DNAH10: variants seen among roughly 807,000 people sequenced by gnomAD.
DNAH10 encodes the protein dynein axonemal heavy chain 10.
DNAH10 carries 348 observed loss-of-function variants against 506.6 expected under a neutral mutation model. The observed-to-expected ratio is 0.69, with a 90% CI of 0.63 to 0.75. The LOEUF (loss-of-function observed/expected upper bound fraction) is 0.75, where lower values mean the gene tolerates loss of function less well. Among genes scored for constraint, DNAH10 ranks in the 30% least tolerant of loss-of-function variants. The probability of loss-of-function intolerance (pLI) is 0.00; values close to 1 mark genes in which losing one functional copy is unlikely to be tolerated. For missense variants in DNAH10, 5,179 were observed against 5,787.1 expected, an observed-to-expected ratio of 0.89 and a Z score of 3.41; for synonymous variants, 2,059 against 2,198.6, an observed-to-expected ratio of 0.94 and a Z score of 1.78.
Position 123,838,501 on chromosome 12 carries a change from G to T in DNAH10, c.4948G>T (p.Glu1650Ter). 1 of 1,614,026 alleles carries T rather than the reference G, an allele frequency of 6.2e-7. No individual in the cohort carries two copies. Among genetic ancestry groups the T allele is most frequent in the Non-Finnish European group, 8.5e-7 (1 of 1,179,896 alleles). ...AGACCCCGTGATCAAGAGGTGCTGT[G>T]AAGCCCCAAACCGCCTCAGTGACCT... Reference protein sequence around the residue: ...LKDPVIKRCCEAPNRLSDLQN... With the variant: ...LKDPVIKRCC The change falls in exon 29 of 79, where the codon GAA becomes TAA. Residue 1650 changes from glutamate (E) to a stop codon, truncating the protein, a stop_gained. Coordinates refer to ENST00000673944, the MANE Select transcript of DNAH10 (RefSeq NM_001372106.1). LOFTEE classifies it high-confidence loss of function.
At chr12:123,896,509 C>T (rs948013574) in intron 54 of DNAH10, among the ~76,000 whole-genome samples, 9 of 152,174 alleles carry the variant, frequency 5.9e-5, no homozygotes, top group East Asian at 3.9e-4. Context: ...CCACCTTTGC[C>T]GATATGTGCT....
rs772630655 is a variant in DNAH10, at chr12:123,877,715, G to GT, written c.8200-21_8200-20insT. 10 of 1,604,328 alleles carry GT rather than the reference G, an allele frequency of 6.2e-6. No individual in the cohort carries two copies. The East Asian group carries it at 1.3e-4, about 21-fold the overall frequency. On this transcript the variant is annotated intron_variant, in intron 47 of 78. Coordinates refer to ENST00000673944, the MANE Select transcript of DNAH10 (RefSeq NM_001372106.1). Reference sequence around the variant, plus strand: ...CTGAAGGACATTTGTGTGTTGGGGGGGGTGTCTTTGCATTTTTCAGACGTT... The same window carrying GT: ...CTGAAGGACATTTGTGTGTTGGGGGGTGGTGTCTTTGCATTTTTCAGACGTT...
At chr12:123,874,434 T>G (rs1219607300) in intron 46 of DNAH10, among the ~76,000 whole-genome samples, 1 of 152,140 alleles carries the variant, frequency 6.6e-6, no homozygotes, top group Non-Finnish European at 1.5e-5. Flanking sequence ...TGTCCATTCA[T>G]TCATAGATTT....
At chr12:123,832,822 C>A (rs937022355) in intron 26 of DNAH10, among the ~76,000 whole-genome samples, 1 of 152,098 alleles carries the variant, frequency 6.6e-6, no homozygotes, top group Non-Finnish European at 1.5e-5. Context: ...CATGTCTGAG[C>A]CCCAGTTGCC....
intron 19 of DNAH10, among the ~76,000 whole-genome samples, chr12:123,810,429 T>C (rs1958887458): frequency 6.6e-6 from 1 of 152,222 alleles, no homozygotes; most frequent in Non-Finnish European, 1.5e-5. Context: ...ACGCCTGTAA[T>C]CCCAGCACTT....
At chr12:123,763,901 T>C (rs1183661845) in intron 1 of DNAH10, among the ~76,000 whole-genome samples, 3 of 148,886 alleles carry the variant, frequency 2.0e-5, no homozygotes, top group Non-Finnish European at 4.4e-5. Context: ...AGTCTAGCTC[T>C]GTCGCCAAGG....
At position 123,851,056 on chromosome 12, in the gene DNAH10, G is replaced by T; in HGVS notation, c.6271G>T (p.Glu2091Ter). Residue 2091 changes from glutamate to a stop codon, truncating the protein, a stop_gained, in exon 35 of 79, where the codon GAG (glutamate) becomes TAG (stop). Coordinates refer to ENST00000673944, the MANE Select transcript of DNAH10 (RefSeq NM_001372106.1). LOFTEE classifies it high-confidence loss of function. ...GATCTGTGAGATCATGCTCTTCTCTGAGGGCTTCCTGGAGGCCAAGGTGGG... is the reference window on the plus strand; with the variant it reads ...GATCTGTGAGATCATGCTCTTCTCTTAGGGCTTCCTGGAGGCCAAGGTGGG... ...QQICEIMLFSEGFLEAKTLAK... is the reference protein window; with the variant it reads ...QQICEIMLFS 1 of 1,606,758 alleles carries T rather than the reference G, an allele frequency of 6.2e-7. No homozygotes were observed.
chr12:123,796,242 A>AG (rs1958272894), intron 12 of DNAH10, among the ~76,000 whole-genome samples: 1 of 152,194 alleles, frequency 6.6e-6, no homozygotes, highest in East Asian at 1.9e-4. Flanking sequence ...AGATCACCTG[A>AG]GGTCAGGAGT....
rs554427178 is a variant in DNAH10, at chr12:123,767,614, C to T, written c.223C>T (p.Pro75Ser). The change falls in exon 2 of 79, where the codon CCT becomes TCT. Residue 75 changes from proline to serine, a missense_variant. By Grantham distance (74) the Pro-to-Ser change is moderately conservative. Coordinates refer to ENST00000673944, the MANE Select transcript of DNAH10 (RefSeq NM_001372106.1). ...EEVEVEIDEI[P>S]VLSEEGEEEE... ...TTTATGTGGCCATAAAGATGAGATA[C>T]CTGTCCTGTCTGAAGAGGGAGAAGA... is the stretch of plus-strand genomic sequence containing the variant. 2.5e-4 allele frequency: 406 copies of T among 1,612,066 alleles called. 7 individuals are homozygous for T. The South Asian group carries it at 4.2e-3, about 17-fold the overall frequency.
chr12:123,864,902 A>G (rs576509584), intron 40 of DNAH10, among the ~76,000 whole-genome samples, 172 bp downstream of exon 40: 6 of 152,256 alleles, frequency 3.9e-5, no homozygotes, highest in Non-Finnish European at 7.3e-5. Flanking sequence ...TCTTTATCCC[A>G]GAAGTGACTA....
At chr12:123,765,391 C>T (rs1362026626) in intron 1 of DNAH10, among the ~76,000 whole-genome samples, 9 of 152,088 alleles carry the variant, frequency 5.9e-5, no homozygotes, top group Non-Finnish European at 1.0e-4. Flanking sequence ...GAAAAAGCAA[C>T]GCTTCTCCAT....
chr12:123,797,396 CT>C (rs112287083), intron 13 of DNAH10, among the ~76,000 whole-genome samples: 26,216 of 142,478 alleles, frequency 0.18, 3,168 homozygotes, highest in African/African-American at 0.37. Context: ...TTTTCTTTTT[CT>C]TTTTTTTTTT....
At position 123,915,002 on chromosome 12, in the gene DNAH10, A is replaced by G. The variant is rs1296126878; in HGVS notation, c.10722+3A>G. 3.7e-6 allele frequency: 6 copies of G among 1,603,348 alleles called. No homozygotes were observed. Among genetic ancestry groups the G allele is most frequent in the African/African-American group, 1.3e-5 (1 of 74,570 alleles). ...AAGAGGAGAAGAACAATCTGCGGGTATGGTGGCTCCTCCCAGGGCGTCTTC... is the reference window on the plus strand; with the variant it reads ...AAGAGGAGAAGAACAATCTGCGGGTGTGGTGGCTCCTCCCAGGGCGTCTTC... On this transcript the variant is annotated splice_donor_region_variant and intron_variant, in intron 62 of 78. Coordinates refer to ENST00000673944, the MANE Select transcript of DNAH10 (RefSeq NM_001372106.1).
At chr12:123,838,865 C>T (rs920629385) in intron 29 of DNAH10, among the ~76,000 whole-genome samples, 176 bp downstream of exon 29, 2 of 152,126 alleles carry the variant, frequency 1.3e-5, no homozygotes, top group South Asian at 2.1e-4. Context: ...CAGGCTGGAG[C>T]GCAGTGGTAC....
At chr12:123,790,183 T>G (rs1958026659) in intron 11 of DNAH10, 62 bp downstream of exon 11, 2 of 1,534,506 alleles carry the variant, frequency 1.3e-6, no homozygotes, top group Non-Finnish European at 1.8e-6. Context: ...CTGTGTTAAA[T>G]TTGTTGGGTT....
chr12:123,780,719 CG>C (rs1957612991), intron 5 of DNAH10, among the ~76,000 whole-genome samples: 1 of 150,836 alleles, frequency 6.6e-6, no homozygotes. Context: ...TTTGGGAGGC[CG>C]GGGGTGGATC....
intron 27 of DNAH10, among the ~76,000 whole-genome samples, chr12:123,834,389 G>A (rs1278970803): frequency 1.3e-5 from 2 of 152,030 alleles, no homozygotes; most frequent in Non-Finnish European, 2.9e-5. Flanking sequence ...TGTATTTTTA[G>A]TAGAGATAGG....
intron 26 of DNAH10, among the ~76,000 whole-genome samples, chr12:123,831,750 C>T (rs562765358): frequency 6.9e-5 from 4 of 58,286 alleles, no homozygotes; most frequent in Non-Finnish European, 1.4e-4. Context: ...AAAAATTAGC[C>T]GGGTGTGGTG....
intron 34 of DNAH10, among the ~76,000 whole-genome samples, chr12:123,849,909 G>T (rs1392254113): frequency 6.6e-6 from 1 of 152,164 alleles, no homozygotes; most frequent in African/African-American, 2.4e-5. Context: ...TTCTTTTGAG[G>T]GATTTTTGGG....
Sources: gnomAD v4.1 joint callset for allele counts (sites outside exome capture counted in the v4.1 genomes callset) on GRCh38, gnomAD v4.1.1 for gene constraint, MANE v1.5 for transcripts, NCBI Gene and HGNC (gene_info 2026-07-23, HGNC 2026-07-21) for gene names.